AGT: variants seen among roughly 807,000 people sequenced by gnomAD.
AGT encodes the protein alpha-1 antiproteinase, antitrypsin.
AGT carries 26 observed loss-of-function variants against 28.1 expected under a neutral mutation model. The ratio of observed to expected loss-of-function variants is 0.92; its 90% CI spans 0.68 to 1.28. AGT has a LOEUF of 1.28. Among genes scored for constraint, AGT ranks in the 50% most tolerant of loss-of-function variants. The probability of loss-of-function intolerance (pLI) is 0.00; values close to 1 mark genes in which losing one functional copy is unlikely to be tolerated. For synonymous variants in AGT, 259 were observed against 259.6 expected (o/e 1.00, Z 0.02); for missense variants, 596 against 592.3 (o/e 1.01, Z -0.06).
Position 230,730,022 on chromosome 1 carries a change from G to T in AGT, c.-31+15493C>A, listed in dbSNP as rs192173785. 3.0e-3 allele frequency among the ~76,000 whole-genome samples: 453 copies of T among 152,080 alleles called. 4 individuals carry two copies. Among genetic ancestry groups the T allele is most frequent in the African/African-American group, 0.01 (416 of 41,482 alleles). On this transcript the variant is annotated intron_variant, in intron 1 of 4. Transcript: ENST00000681269. The stretch of plus-strand genomic sequence containing the variant: ...TAAAAATACAAAAGATTAGCCAGGC[G>T]TGGTGGTGCACGCCTATAGTCCCAG...
chr1:230,723,858 T>G (rs959289897), intron 1 of AGT, among the ~76,000 whole-genome samples: 4 of 152,202 alleles, frequency 2.6e-5, no homozygotes, highest in Non-Finnish European at 5.9e-5. Context: ...TATGCATTGT[T>G]GGTACACAGA....
rs539231427 is a variant in AGT, at chr1:230,710,735, T to C, written c.89A>G (p.His30Arg). The part of the protein sequence containing the change: ...GLAAGDRVYI[H>R]PFHLVIHNES... ...ATTGTGGATGACGAGGTGGAAGGGG[T>C]GTATGTACACCCGGTCACCTGCAGC... Residue 30 changes from histidine (H) to arginine (R), a missense_variant, in exon 2 of 5, where the codon CAC (histidine) becomes CGC (arginine). Transcript: ENST00000366667. The C allele has an allele frequency of 1.2e-6, 2 of 1,613,748 alleles. No homozygotes were observed. Among genetic ancestry groups the C allele is most frequent in the Non-Finnish European group, 1.7e-6 (2 of 1,179,894 alleles).
intron 1 of AGT, among the ~76,000 whole-genome samples, chr1:230,712,254 G>A (rs560134850): frequency 1.2e-4 from 19 of 152,218 alleles, no homozygotes; most frequent in African/African-American, 4.3e-4. Flanking sequence ...AGCATACCCA[G>A]TCATTCTTCT....
chr1:230,707,284 C>T (rs1306681200), intron 2 of AGT, among the ~76,000 whole-genome samples: 1 of 152,248 alleles, frequency 6.6e-6, no homozygotes, highest in Admixed American at 6.5e-5. Context: ...GCTGTCCTCC[C>T]ACTCATCCTG....
At chr1:230,731,335 C>T (rs986293766) in intron 1 of AGT, among the ~76,000 whole-genome samples, 2 of 152,228 alleles carry the variant, frequency 1.3e-5, no homozygotes, top group Non-Finnish European at 2.9e-5. Context: ...CCTCCAGCCC[C>T]CTTCCATCTG....
At chr1:230,725,194 AC>A (rs1435981443) in intron 1 of AGT, among the ~76,000 whole-genome samples, 2 of 152,256 alleles carry the variant, frequency 1.3e-5, no homozygotes, top group Admixed American at 6.5e-5. Flanking sequence ...TCCAGAAAAT[AC>A]TTTTTTGATG....
chr1:230,720,030 G>A (rs1209080797), intron 1 of AGT, among the ~76,000 whole-genome samples: 2 of 152,156 alleles, frequency 1.3e-5, no homozygotes, highest in Non-Finnish European at 2.9e-5. Flanking sequence ...GGTTTAGGGG[G>A]TGGATATTGG....
intron 1 of AGT, among the ~76,000 whole-genome samples, chr1:230,734,604 G>A (rs1664122281): frequency 7.7e-6 from 1 of 130,510 alleles, no homozygotes; most frequent in Non-Finnish European, 1.6e-5. Flanking sequence ...TATATATGGT[G>A]TGTGTATGTG....
chr1:230,710,853 C>T lies in AGT; in HGVS notation c.-30G>A, dbSNP rs1485712072. Reference sequence around the variant, plus strand: ...GACTGGGGTGCTCGCTTCCGCATACCCTGAAATATCATTTTGCAAAGGGTG... The same window carrying T: ...GACTGGGGTGCTCGCTTCCGCATACTCTGAAATATCATTTTGCAAAGGGTG... On this transcript the variant is annotated splice_region_variant and 5_prime_UTR_variant, in exon 2 of 5. Transcript: ENST00000366667. 4 of 1,611,930 alleles carry T rather than the reference C, an allele frequency of 2.5e-6. No homozygotes were observed. Among genetic ancestry groups the T allele is most frequent in the Non-Finnish European group, 3.4e-6 (4 of 1,180,012 alleles).
In AGT at chr1:230,710,335, G is replaced by A. The variant is rs763661780; in HGVS notation, c.489C>T (p.Thr163=). ...LGVPWKDKNC[T]SRLDAHKVLS... ...GGACCTTGTGCGCATCCAGCCGGGA[G>A]GTGCAGTTCTTGTCCTTCCAAGGAA... Residue 163 remains threonine, a synonymous_variant, in exon 2 of 5, where the codon ACC becomes ACT. Coordinates refer to ENST00000366667, the MANE Select transcript of AGT (RefSeq NM_001384479.1). 4 of 1,614,124 alleles carry A rather than the reference G, an allele frequency of 2.5e-6. No homozygotes were observed. Among genetic ancestry groups the A allele is most frequent in the Non-Finnish European group, 3.4e-6 (4 of 1,180,034 alleles).
At chr1:230,745,175 T>A (rs566410630) in intron 1 of AGT, among the ~76,000 whole-genome samples, 30 of 152,310 alleles carry the variant, frequency 2.0e-4, no homozygotes, top group Middle Eastern at 3.4e-3. Flanking sequence ...GCCTTGCAAG[T>A]TGAGGCAAGT....
intron 1 of AGT, among the ~76,000 whole-genome samples, chr1:230,724,025 C>T (rs1663892529): frequency 6.6e-6 from 1 of 152,214 alleles, no homozygotes. Context: ...TTTATCTGTT[C>T]CAAGGATTGG....
chr1:230,720,754 A>G (rs1220323940), intron 1 of AGT, among the ~76,000 whole-genome samples: 1 of 152,144 alleles, frequency 6.6e-6, no homozygotes, highest in African/African-American at 2.4e-5. Flanking sequence ...TCATAAACCA[A>G]TCAACACATA....
At chr1:230,733,076 GT>G (rs988690858) in intron 1 of AGT, among the ~76,000 whole-genome samples, 1 of 151,884 alleles carries the variant, frequency 6.6e-6, no homozygotes, top group African/African-American at 2.4e-5. Flanking sequence ...GAGGTCGGGC[GT>G]TCAAGATCAG....
intron 1 of AGT, among the ~76,000 whole-genome samples, chr1:230,728,632 G>C (rs961931857): frequency 6.6e-6 from 1 of 152,174 alleles, no homozygotes; most frequent in African/African-American, 2.4e-5. Flanking sequence ...CACTTACTGA[G>C]AACTTTTGAG....
intron 1 of AGT, among the ~76,000 whole-genome samples, chr1:230,743,102 T>G (rs1043456490): frequency 6.6e-6 from 1 of 152,168 alleles, no homozygotes; most frequent in African/African-American, 2.4e-5. Flanking sequence ...GCAATTCTCC[T>G]GCCTCAGCCT....
Position 230,702,754 on chromosome 1 carries a change from A to AT in AGT, c.*386dup, listed in dbSNP as rs1663268261. 4.0e-6 allele frequency: 1 copy of AT among 247,552 alleles called. No individual in the cohort carries two copies. The highest frequency in any genetic ancestry group is 2.2e-5 in the African/African-American group (1 of 45,546). 15.3% of individuals were successfully genotyped at this position (247,552 alleles called of 1,614,324 possible). Reference sequence around the variant, plus strand: ...AGGCAATGCAAAAATGTATACTTTAATTTTAAAACCCAATTTTTGTTCTCA... The same window carrying AT: ...AGGCAATGCAAAAATGTATACTTTAATTTTTAAAACCCAATTTTTGTTCTCA... On this transcript the variant is annotated 3_prime_UTR_variant, in exon 5 of 5. Transcript: ENST00000366667.
At chr1:230,731,523 C>T (rs1030028065) in intron 1 of AGT, among the ~76,000 whole-genome samples, 6 of 152,208 alleles carry the variant, frequency 3.9e-5, no homozygotes, top group Admixed American at 3.9e-4. Context: ...GACCATGCAC[C>T]TCCTTGTCCT....
Position 230,743,146 on chromosome 1 carries a change from C to T in AGT, c.-31+2369G>A, listed in dbSNP as rs578227198. The stretch of plus-strand genomic sequence containing the variant: ...GCTGGGATTACAGGCACCCCCACCA[C>T]GCCTGACTCATTTTTTGTATTTTTA... On this transcript the variant is annotated intron_variant, in intron 1 of 4. Transcript: ENST00000681269. Among the ~76,000 whole-genome samples the T allele has an allele frequency of 1.2e-4, 19 of 152,248 alleles. No individual in the cohort carries two copies. In the South Asian group the frequency reaches 1.9e-3, roughly 15 times the overall value.
Sources: gnomAD v4.1 joint callset for allele counts (sites outside exome capture counted in the v4.1 genomes callset) on GRCh38, gnomAD v4.1.1 for gene constraint, MANE v1.5 for transcripts, NCBI Gene and HGNC (gene_info 2026-07-23, HGNC 2026-07-21) for gene names.